Variants in ZSWIM6 observed in about 807,000 individuals in gnomAD.
ZSWIM6 encodes zinc finger SWIM-type containing 6.
In ZSWIM6, 9 loss-of-function variants were observed where a neutral mutation model predicts 113.2. The ratio of observed to expected loss-of-function variants is 0.08; its 90% CI spans 0.05 to 0.14. The LOEUF (loss-of-function observed/expected upper bound fraction) is 0.14. Among genes scored for constraint, ZSWIM6 ranks in the 10% least tolerant of loss-of-function variants. The pLI, the probability that ZSWIM6 is intolerant of heterozygous loss-of-function variation, is 1.00. For synonymous variants in ZSWIM6, 611 were observed against 606.5 expected (o/e 1.01, Z -0.11); for missense variants, 1,162 against 1,552.2 (o/e 0.75, Z 4.22).
chr5:61,391,342 T>C, intron 1 of ZSWIM6: 1 of 828,040 alleles, frequency 1.2e-6, no homozygotes, highest in African/African-American at 1.7e-5. Flanking sequence ...CAGGTGGGCC[T>C]TCCTCTGGTG....
chr5:61,544,343 G>A lies in ZSWIM6; in HGVS notation c.*26G>A, dbSNP rs755897542. 5 of 126,268 alleles carry A rather than the reference G, an allele frequency of 4.0e-5. 1 individual carries two copies. Among genetic ancestry groups the A allele is most frequent in the Admixed American group, 2.4e-4 (2 of 8,180 alleles). The allele number at this position is 126,268 out of a possible 1,614,324, so 7.8% of individuals were successfully genotyped here. ...TAGATCTTGTATGAATGGGGTGGGG[G>A]GTGGGGATGGGAGGGATGGTTTGTT... On this transcript the variant is annotated 3_prime_UTR_variant, in exon 14 of 14. Coordinates refer to ENST00000252744, the MANE Select transcript of ZSWIM6 (RefSeq NM_020928.2).
intron 4 of ZSWIM6, among the ~76,000 whole-genome samples, chr5:61,514,363 A>T (rs1748875913): frequency 6.6e-6 from 1 of 151,222 alleles, no homozygotes; most frequent in African/African-American, 2.4e-5. Context: ...TGATGTCTTT[A>T]ATCCCCTTCC....
At chr5:61,373,538 C>T (rs949573559) in intron 1 of ZSWIM6, among the ~76,000 whole-genome samples, 1 of 152,072 alleles carries the variant, frequency 6.6e-6, no homozygotes, top group African/African-American at 2.4e-5. Flanking sequence ...TACCCTAAGT[C>T]TAATAATCAC....
At chr5:61,445,317 G>A (rs1746927617) in intron 1 of ZSWIM6, among the ~76,000 whole-genome samples, 1 of 152,104 alleles carries the variant, frequency 6.6e-6, no homozygotes, top group African/African-American at 2.4e-5. Context: ...CAAAGAACAA[G>A]CAAACAATAA....
At chr5:61,486,447 G>A (rs984167532) in intron 2 of ZSWIM6, among the ~76,000 whole-genome samples, 1 of 151,964 alleles carries the variant, frequency 6.6e-6, no homozygotes, top group African/African-American at 2.4e-5. Context: ...CTTTTCCTCT[G>A]GGTAGATACC....
At chr5:61,465,726 T>C (rs531473863) in intron 1 of ZSWIM6, among the ~76,000 whole-genome samples, 1 of 152,314 alleles carries the variant, frequency 6.6e-6, no homozygotes, top group Admixed American at 6.5e-5. Flanking sequence ...TATGCTGTGG[T>C]TTACAGTCTG....
chr5:61,421,535 A>G (rs1746355167), intron 1 of ZSWIM6, among the ~76,000 whole-genome samples: 1 of 152,214 alleles, frequency 6.6e-6, no homozygotes. Context: ...TTTGTTACAT[A>G]GGTAAACTCA....
chr5:61,433,828 G>C (rs1028944423), intron 1 of ZSWIM6, among the ~76,000 whole-genome samples: 3 of 151,536 alleles, frequency 2.0e-5, no homozygotes, highest in Admixed American at 1.3e-4. Context: ...AAGAAAACTT[G>C]ACAAATTTTC....
chr5:61,543,381 G>T lies in ZSWIM6; in HGVS notation c.2786-74G>T. On this transcript the variant is annotated intron_variant, in intron 13 of 13. Coordinates refer to ENST00000252744, the MANE Select transcript of ZSWIM6 (RefSeq NM_020928.2). The surrounding 1 kb of genome is among the most constrained non-coding windows in gnomAD (Gnocchi z 4.3). ...ATGGTTAACAATGTAAACACTGGTT[G>T]TAAAAGTCAAAATAAGGCAGGACCT... 1 of 1,466,448 alleles carries T rather than the reference G, an allele frequency of 6.8e-7. No homozygotes were observed. The highest frequency in any genetic ancestry group is 9.0e-7 in the Non-Finnish European group (1 of 1,106,928). 90.8% of individuals were successfully genotyped at this position (1,466,448 alleles called of 1,614,324 possible).
chr5:61,389,293 T>G (rs1745651749), intron 1 of ZSWIM6, among the ~76,000 whole-genome samples: 1 of 151,714 alleles, frequency 6.6e-6, no homozygotes, highest in Admixed American at 6.6e-5. Flanking sequence ...CGGTAGCTCA[T>G]GCCTGTAATC....
At chr5:61,350,406 C>G (rs1744756966) in intron 1 of ZSWIM6, among the ~76,000 whole-genome samples, 1 of 152,004 alleles carries the variant, frequency 6.6e-6, no homozygotes. Flanking sequence ...TGAAAGGTGA[C>G]CTTTGGCTTA....
At chr5:61,532,157 G>A (rs1236531130) in intron 9 of ZSWIM6, among the ~76,000 whole-genome samples, 1 of 152,186 alleles carries the variant, frequency 6.6e-6, no homozygotes, top group Non-Finnish European at 1.5e-5. Flanking sequence ...TGACACCTGG[G>A]TTTTGAATGT....
chr5:61,348,359 G>A (rs1029814097), intron 1 of ZSWIM6, among the ~76,000 whole-genome samples: 3 of 152,134 alleles, frequency 2.0e-5, no homozygotes, highest in Admixed American at 1.3e-4. Flanking sequence ...TCATGTAGCC[G>A]TATTTAGATA....
chr5:61,477,730 A>T (rs775641411), intron 2 of ZSWIM6, among the ~76,000 whole-genome samples: 4 of 152,314 alleles, frequency 2.6e-5, no homozygotes, highest in African/African-American at 9.6e-5. Flanking sequence ...TCTTCATTGC[A>T]TAGCTCTTCA....
intron 4 of ZSWIM6, 33 bp downstream of exon 4, chr5:61,494,443 T>C: frequency 6.5e-7 from 1 of 1,549,672 alleles, no homozygotes; most frequent in African/African-American, 1.4e-5. Context: ...TACCATTGAT[T>C]TGCATATGGA....
chr5:61,482,822 T>C (rs920662214), intron 2 of ZSWIM6, among the ~76,000 whole-genome samples: 6 of 151,918 alleles, frequency 3.9e-5, no homozygotes, highest in African/African-American at 1.4e-4. Flanking sequence ...TGCTGGAAAA[T>C]GCATAGTTTT....
intron 1 of ZSWIM6, among the ~76,000 whole-genome samples, chr5:61,415,931 G>A (rs1746243820): frequency 6.6e-6 from 1 of 152,172 alleles, no homozygotes; most frequent in Non-Finnish European, 1.5e-5. Flanking sequence ...AAAGGTAATG[G>A]GAGCTTAAGT....
At chr5:61,536,839 T>C (rs907912133) in intron 10 of ZSWIM6, among the ~76,000 whole-genome samples, 2 of 152,216 alleles carry the variant, frequency 1.3e-5, no homozygotes, top group African/African-American at 4.8e-5. Flanking sequence ...AAGTATTCTT[T>C]TTTCTATTTT....
intron 2 of ZSWIM6, among the ~76,000 whole-genome samples, chr5:61,485,592 G>A (rs928981592): frequency 3.9e-5 from 6 of 151,928 alleles, no homozygotes; most frequent in Non-Finnish European, 5.9e-5. Flanking sequence ...CTCTCCATCC[G>A]TTCATCTCCC....
Sources: gnomAD v4.1 joint callset for allele counts (sites outside exome capture counted in the v4.1 genomes callset) on GRCh38, gnomAD v4.1.1 for gene constraint, Gnocchi (gnomAD v3.1) non-coding constraint, MANE v1.5 for transcripts, NCBI Gene and HGNC (gene_info 2026-07-23, HGNC 2026-07-21) for gene names.